Variants in SLC27A5 observed in about 807,000 individuals in gnomAD.
SLC27A5 encodes the protein long-chain fatty acid transport protein 5.
SLC27A5 carries 47 observed loss-of-function variants against 63.1 expected under a neutral mutation model. The observed-to-expected ratio is 0.74, with a 90% CI of 0.59 to 0.95. The LOEUF is 0.95. Ranked by LOEUF, SLC27A5 falls within the 40% of genes least tolerant of loss-of-function variation. The pLI, the probability that SLC27A5 is intolerant of heterozygous loss-of-function variation, is 0.00. For missense variants in SLC27A5, 940 were observed against 921.0 expected (o/e 1.02, Z -0.27); for synonymous variants, 391 against 403.8 (o/e 0.97, Z 0.38).
At chr19:58,503,915 C>T (rs2122505118) in intron 3 of SLC27A5, among the ~76,000 whole-genome samples, 1 of 152,264 alleles carries the variant, frequency 6.6e-6, no homozygotes, top group South Asian at 2.1e-4. Context: ...AAGTTCAAGA[C>T]CAGACTGGCC....
intron 7 of SLC27A5, 62 bp downstream of exon 7, chr19:58,499,430 C>A: frequency 1.3e-6 from 2 of 1,570,122 alleles, no homozygotes; most frequent in South Asian, 2.2e-5. Flanking sequence ...CTGACTCCCT[C>A]TAGGATCTGA....
chr19:58,500,145 C>G (rs2053256813), intron 6 of SLC27A5, among the ~76,000 whole-genome samples, 194 bp downstream of exon 6: 1 of 152,012 alleles, frequency 6.6e-6, no homozygotes, highest in Non-Finnish European at 1.5e-5. Flanking sequence ...GGCAGGGGAG[C>G]TGGACAGAGC....
chr19:58,499,090 C>T lies in SLC27A5; in HGVS notation c.1765+33G>A, dbSNP rs190235885. On this transcript the variant is annotated intron_variant, in intron 8 of 9. Transcript: ENST00000263093. ...AATAACGACCCCTCCACCCACAAAGCTGTTGGAAGTTTAAAATGAGAACCC... is the reference window on the plus strand; with the variant it reads ...AATAACGACCCCTCCACCCACAAAGTTGTTGGAAGTTTAAAATGAGAACCC... 2.1e-4 allele frequency: 338 copies of T among 1,611,888 alleles called. 1 individual carries two copies. The African/African-American group carries it at 4.1e-3, about 20-fold the overall frequency.
intron 3 of SLC27A5, among the ~76,000 whole-genome samples, chr19:58,505,188 G>A (rs969060071): frequency 7.0e-5 from 10 of 143,466 alleles, no homozygotes; most frequent in African/African-American, 7.8e-5. Context: ...CAACCCCTGC[G>A]CCCCGGGTTC....
At position 58,498,501 on chromosome 19, in the gene SLC27A5, G is replaced by A. The variant is rs764064897; in HGVS notation, c.*14C>T. On this transcript the variant is annotated 3_prime_UTR_variant, in exon 10 of 10. Coordinates refer to ENST00000263093, the MANE Select transcript of SLC27A5 (RefSeq NM_012254.3). ...GCTGGCTTTGATCCCTACCCCAGTG[G>A]GTTGGCCAGGTGATCAGAGCCTCCA... is the stretch of plus-strand genomic sequence containing the variant. 2.5e-6 allele frequency: 4 copies of A among 1,602,792 alleles called. 1 individual carries two copies. In the South Asian group the frequency reaches 4.4e-5, roughly 18 times the overall value.
At chr19:58,504,543 G>GGAGGCT (rs1229016159) in intron 3 of SLC27A5, among the ~76,000 whole-genome samples, 4 of 136,592 alleles carry the variant, frequency 2.9e-5, no homozygotes, top group Admixed American at 2.3e-4. Context: ...CAGCTATTCA[G>GGAGGCT]GAGGCTGAGG....
At chr19:58,502,797 AG>A (rs1388731454) in intron 3 of SLC27A5, among the ~76,000 whole-genome samples, 1 of 149,486 alleles carries the variant, frequency 6.7e-6, no homozygotes, top group Non-Finnish European at 1.5e-5. Context: ...GTGAGTGAGT[AG>A]ATGGATGGCT....
chr19:58,501,762 C>G (rs1038017571), intron 3 of SLC27A5, among the ~76,000 whole-genome samples: 1 of 152,248 alleles, frequency 6.6e-6, no homozygotes, highest in Admixed American at 6.5e-5. Context: ...CAACCTCTCC[C>G]TCCCGGGTTC....
At chr19:58,502,390 G>C (rs1041538769) in intron 3 of SLC27A5, among the ~76,000 whole-genome samples, 4 of 147,722 alleles carry the variant, frequency 2.7e-5, no homozygotes, top group African/African-American at 1.0e-4. Context: ...TAGATGGATG[G>C]GTGGACAGAG....
chr19:58,511,858 AG>A lies in SLC27A5; in HGVS notation c.97del (p.Leu33CysfsTer19). On this transcript the variant is annotated frameshift_variant, in exon 1 of 10. Transcript: ENST00000263093. LOFTEE classifies it high-confidence loss of function. ...PVWPVAVALTLRWLLGDPTCC... is the reference protein window; with the variant it reads ...PVWPVAVALTXRWLLGDPTCC... ...TGTGGGATCCCCCAGGAGCCAGCGC[AG>A]GGTCAAGGCCACAGCGACTGGCCAC... The A allele has an allele frequency of 2.6e-6, 4 of 1,557,880 alleles. No homozygotes were observed. Among genetic ancestry groups the A allele is most frequent in the Non-Finnish European group, 3.5e-6 (4 of 1,151,276 alleles).
rs1007512575 is a variant in SLC27A5 at position 58,511,788 on chromosome 19, G to A, written c.168C>T (p.Leu56=). 48 of 1,554,356 alleles carry A rather than the reference G, an allele frequency of 3.1e-5. No homozygotes were observed. Among genetic ancestry groups the A allele is most frequent in the Admixed American group, 1.2e-4 (6 of 51,606 alleles). The change falls in exon 1 of 10, where the codon CTC becomes CTT. Residue 56 remains leucine, a synonymous_variant. Transcript: ENST00000263093. ...LGLAMLARPW[L]GPWVPHGLSL... ...TCAGCCCATGGGGCACCCAGGGGCC[G>A]AGCCAGGGCCGTGCTAACATGGCCA... is the stretch of plus-strand genomic sequence containing the variant.
intron 3 of SLC27A5, among the ~76,000 whole-genome samples, chr19:58,504,073 C>A (rs1004779153): frequency 6.6e-6 from 1 of 152,206 alleles, no homozygotes; most frequent in African/African-American, 2.4e-5. Context: ...CAACATCACA[C>A]AACTGTACTC....
intron 3 of SLC27A5, among the ~76,000 whole-genome samples, chr19:58,506,391 C>T (rs377640856): frequency 1.3e-5 from 2 of 152,244 alleles, no homozygotes; most frequent in East Asian, 3.9e-4. Flanking sequence ...AAACATTAGC[C>T]AGGTGTGGAG....
At position 58,500,407 on chromosome 19, in the gene SLC27A5, A is replaced by T; in HGVS notation, c.1400T>A (p.Val467Glu). 1 of 1,613,818 alleles carries T rather than the reference A, an allele frequency of 6.2e-7. No individual in the cohort carries two copies. Among genetic ancestry groups the T allele is most frequent in the Non-Finnish European group, 8.5e-7 (1 of 1,180,010 alleles). ...LLRMLSPFELVQFDMEAAEPV... is the reference protein window; with the variant it reads ...LLRMLSPFELEQFDMEAAEPV... ...CTCCGCCGCCTCCATGTCGAACTGC[A>T]CCAGCTCAAAGGGGGACAGCATCTG... Residue 467 changes from valine to glutamate, a missense_variant, in exon 6 of 10, where the codon GTG becomes GAG. Coordinates refer to ENST00000263093, the MANE Select transcript of SLC27A5 (RefSeq NM_012254.3).
At chr19:58,505,945 G>A (rs992271492) in intron 3 of SLC27A5, among the ~76,000 whole-genome samples, 6 of 151,432 alleles carry the variant, frequency 4.0e-5, no homozygotes, top group African/African-American at 1.5e-4. Context: ...GAGGTCAGGA[G>A]TTCGAGACCA....
chr19:58,506,463 C>T (rs534158711), intron 3 of SLC27A5, among the ~76,000 whole-genome samples: 48 of 152,118 alleles, frequency 3.2e-4, no homozygotes, highest in Non-Finnish European at 5.7e-4. Context: ...TGCTTGAACC[C>T]GGGAGGCAGA....
chr19:58,499,471 C>T, intron 7 of SLC27A5, 21 bp downstream of exon 7: 1 of 1,611,808 alleles, frequency 6.2e-7, no homozygotes, highest in South Asian at 1.1e-5. Context: ...CAGCCCCGCC[C>T]CGAGAAACCC....
At position 58,501,340 on chromosome 19, in the gene SLC27A5, C is replaced by CA; in HGVS notation, c.1127dup (p.Thr377AspfsTer15). 4 of 1,613,838 alleles carry CA rather than the reference C, an allele frequency of 2.5e-6. No individual in the cohort carries two copies. Among genetic ancestry groups the CA allele is most frequent in the Non-Finnish European group, 8.5e-7 (1 of 1,179,822 alleles). On this transcript the variant is annotated frameshift_variant, in exon 4 of 10. Transcript: ENST00000263093. LOFTEE classifies it high-confidence loss of function. ...GCTCGCCCACATACAGGATCACTGT[C>CA]ACGCCATGCTGCCGACAGTCATCCC...
rs763769597 is a variant in SLC27A5 at position 58,500,641 on chromosome 19, CCA to C, written c.1246_1247del (p.Trp416GlyfsTer49). 6.2e-7 allele frequency: 1 copy of C among 1,614,152 alleles called. No homozygotes were observed. Among genetic ancestry groups the C allele is most frequent in the Non-Finnish European group, 8.5e-7 (1 of 1,180,036 alleles). On this transcript the variant is annotated frameshift_variant, in exon 5 of 10. Coordinates refer to ENST00000263093, the MANE Select transcript of SLC27A5 (RefSeq NM_012254.3). LOFTEE classifies it high-confidence loss of function. ...GACCGAAGCGCTGCTGGAAGGTCTC[CCA>C]CACATCAGCCCGTAGTCCATTGCCC... ...AMGNGLRADV[W>X]ETFQQRFGPI... is the part of the protein sequence containing the mutation.
Sources: allele counts gnomAD v4.1 joint callset (sites outside exome capture counted in the v4.1 genomes callset), GRCh38; gene constraint gnomAD v4.1.1; transcripts MANE v1.5; gene names NCBI Gene and HGNC (gene_info 2026-07-23, HGNC 2026-07-21).